MRC1: variants seen among roughly 807,000 people sequenced by gnomAD.
MRC1 encodes macrophage mannose receptor 1.
In MRC1, 62 loss-of-function variants were observed where a neutral mutation model predicts 102.9. The observed-to-expected ratio is 0.60, with a 90% CI of 0.49 to 0.74. MRC1 has a LOEUF of 0.74. MRC1 is among the 30% of genes least tolerant of loss of function. MRC1 has a pLI of 0.00. For synonymous variants in MRC1, 457 were observed against 298.4 expected (o/e 1.53, Z -5.48); for missense variants, 1,237 against 862.8 (o/e 1.43, Z -5.43).
chr10:17,829,050 A>G (rs1306826699), intron 3 of MRC1, among the ~76,000 whole-genome samples: 2 of 151,458 alleles, frequency 1.3e-5, no homozygotes, highest in Non-Finnish European at 2.9e-5. Context: ...AGACCAGATC[A>G]GAGTAGCTCT....
At chr10:17,811,191 C>G (rs1407598243) in intron 1 of MRC1, among the ~76,000 whole-genome samples, 4 of 152,178 alleles carry the variant, frequency 2.6e-5, no homozygotes, top group African/African-American at 7.2e-5. Flanking sequence ...TTTCTTAAAA[C>G]TAACTCTTCA....
At chr10:17,901,885 G>T in intron 25 of MRC1, 88 bp from the exon 26 acceptor site, 1 of 776,112 alleles carries the variant, frequency 1.3e-6, no homozygotes, top group South Asian at 1.4e-5. Flanking sequence ...AATGATCAAT[G>T]ATCAGTTTTT....
intron 22 of MRC1, among the ~76,000 whole-genome samples, chr10:17,889,712 T>G (rs1187631344): frequency 1.3e-5 from 2 of 152,246 alleles, no homozygotes; most frequent in African/African-American, 2.4e-5. Flanking sequence ...TTGCTATAAT[T>G]CATTTCACTT....
Position 17,837,134 on chromosome 10 carries a change from C to T in MRC1, c.802+3295C>T, listed in dbSNP as rs560644753. Among the ~76,000 whole-genome samples, 6 of 152,298 alleles carry T rather than the reference C, an allele frequency of 3.9e-5. No individual in the cohort carries two copies. In the East Asian group the frequency reaches 9.7e-4, roughly 25 times the overall value. ...CTGCAGGAAATGCTTCCCTAATCAG[C>T]AAGGGCTTTTCTTGTGTCTATCAGG... On this transcript the variant is annotated intron_variant, in intron 4 of 29. Coordinates refer to ENST00000569591, the MANE Select transcript of MRC1 (RefSeq NM_002438.4).
At chr10:17,833,544 A>AG in intron 3 of MRC1, 131 bp from the exon 4 acceptor site, 1 of 708,946 alleles carries the variant, frequency 1.4e-6, no homozygotes, top group Admixed American at 2.3e-5. Flanking sequence ...AAAAGTAGAA[A>AG]GGGGGAAAAA....
chr10:17,838,313 C>T (rs1056212143), intron 4 of MRC1, among the ~76,000 whole-genome samples: 308 of 152,268 alleles, frequency 2.0e-3, no homozygotes, highest in Non-Finnish European at 3.5e-3. Context: ...AATGTTTCTG[C>T]CTGGCAACAC....
chr10:17,845,820 C>T (rs561370737), intron 6 of MRC1, among the ~76,000 whole-genome samples: 103 of 152,294 alleles, frequency 6.8e-4, no homozygotes, highest in African/African-American at 2.4e-3. Flanking sequence ...TAGGTCCTCA[C>T]GGCTCTATCT....
At chr10:17,849,872 T>A in intron 7 of MRC1, 108 bp downstream of exon 7, 1 of 624,638 alleles carries the variant, frequency 1.6e-6, no homozygotes. Flanking sequence ...TCAATGTAAA[T>A]CAATAATTCA....
chr10:17,872,005 T>C lies in MRC1; in HGVS notation c.2223T>C (p.Tyr741=). The C allele has an allele frequency of 1.3e-6, 1 of 780,680 alleles. No individual in the cohort carries two copies. Among genetic ancestry groups the C allele is most frequent in the Non-Finnish European group, 2.4e-6 (1 of 417,804 alleles). 48.4% of individuals were successfully genotyped at this position (780,680 alleles called of 1,614,324 possible). A position where few individuals can be genotyped will look rare whatever the true frequency, so the allele number is the denominator to read the frequency against. ...GSPVSYENWA[Y]GEPNNYQNVE... ...AGGTTTCATATGAAAACTGGGCTTATGGAGAACCTAATAATTATCAAAATG... is the reference window on the plus strand; with the variant it reads ...AGGTTTCATATGAAAACTGGGCTTACGGAGAACCTAATAATTATCAAAATG... Residue 741 remains tyrosine, a synonymous_variant, in exon 15 of 30, where the codon TAT becomes TAC. Coordinates refer to ENST00000569591, the MANE Select transcript of MRC1 (RefSeq NM_002438.4).
In MRC1 at chr10:17,814,669, C is replaced by T. The variant is rs994702303; in HGVS notation, c.61+5143C>T. 4.7e-4 allele frequency among the ~76,000 whole-genome samples: 70 copies of T among 148,776 alleles called. 2 individuals carry two copies. The highest frequency in any genetic ancestry group is 2.6e-3 in the South Asian group (12 of 4,666). On this transcript the variant is annotated intron_variant, in intron 1 of 29. Coordinates refer to ENST00000569591, the MANE Select transcript of MRC1 (RefSeq NM_002438.4). Reference sequence around the variant, plus strand: ...CTGCAGTTCCGTGTTCTCGGTCCTTCCGTCCCTCTTTTTTTTTTTTTTTTT... The same window carrying T: ...CTGCAGTTCCGTGTTCTCGGTCCTTTCGTCCCTCTTTTTTTTTTTTTTTTT...
rs1184943960 is a variant in MRC1 at position 17,881,670 on chromosome 10, ATTTT to A, written c.2980+509_2980+512del. On this transcript the variant is annotated intron_variant, in intron 21 of 29. Coordinates refer to ENST00000569591, the MANE Select transcript of MRC1 (RefSeq NM_002438.4). ...AAATATGAACTTTGAACAAATTTTG[ATTTT>A]TTTTTTTTTTTTTTTTTTTGGTAAC... Among the ~76,000 whole-genome samples, 482 of 102,776 alleles carry A rather than the reference ATTTT, an allele frequency of 4.7e-3. 5 individuals are homozygous for A. Among genetic ancestry groups the A allele is most frequent in the African/African-American group, 0.018 (428 of 24,206 alleles). 67.4% of individuals were successfully genotyped at this position (102,776 alleles called of 152,430 possible).
chr10:17,869,392 G>A (rs1294664946), intron 12 of MRC1, among the ~76,000 whole-genome samples: 5 of 152,116 alleles, frequency 3.3e-5, no homozygotes, highest in South Asian at 2.1e-4. Context: ...GGTTGTCTTC[G>A]GCTGCTTAAT....
At chr10:17,813,335 T>TA (rs1838253865) in intron 1 of MRC1, among the ~76,000 whole-genome samples, 1 of 152,204 alleles carries the variant, frequency 6.6e-6, no homozygotes, top group African/African-American at 2.4e-5. Context: ...GCTAATGGTA[T>TA]AATCCTGATA....
chr10:17,852,980 A>G lies in MRC1; in HGVS notation c.1263A>G (p.Glu421=). 3.8e-6 allele frequency: 3 copies of G among 780,784 alleles called. No homozygotes were observed. The highest frequency in any genetic ancestry group is 7.2e-6 in the Non-Finnish European group (3 of 417,938). 48.4% of individuals were successfully genotyped at this position (780,784 alleles called of 1,614,324 possible). The change falls in exon 8 of 30, where the codon GAA becomes GAG. Residue 421 remains glutamate, a synonymous_variant. Coordinates refer to ENST00000569591, the MANE Select transcript of MRC1 (RefSeq NM_002438.4). ...CTTCCTGTTTAGAGCCAAATGACGAATTGTGGATCGGCTTAAATGACATTA... is the reference window on the plus strand; with the variant it reads ...CTTCCTGTTTAGAGCCAAATGACGAGTTGTGGATCGGCTTAAATGACATTA... ...ISQLGYEPND[E]LWIGLNDIKI... is the part of the protein sequence containing the mutation.
intron 3 of MRC1, among the ~76,000 whole-genome samples, chr10:17,828,363 G>C (rs1173180944): frequency 6.6e-5 from 10 of 151,436 alleles, no homozygotes; most frequent in Non-Finnish European, 1.3e-4. Flanking sequence ...GCATGAGCCG[G>C]CGCGCCCGAC....
In MRC1 at chr10:17,822,386, G is replaced by A. The variant is rs906089474; in HGVS notation, c.62-688G>A. On this transcript the variant is annotated intron_variant, in intron 1 of 29. Transcript: ENST00000569591. Reference sequence around the variant, plus strand: ...CACTTGTAATCCTAGTACTTTGAGAGGCTGAAGTGGGAAGATTGCTTGAAG... The same window carrying A: ...CACTTGTAATCCTAGTACTTTGAGAAGCTGAAGTGGGAAGATTGCTTGAAG... 2.8e-4 allele frequency among the ~76,000 whole-genome samples: 43 copies of A among 152,278 alleles called. No individual in the cohort carries two copies. In the South Asian group the frequency reaches 8.9e-3, roughly 32 times the overall value.
intron 8 of MRC1, among the ~76,000 whole-genome samples, chr10:17,855,571 C>CA (rs35692453): frequency 0.47 from 19,845 of 41,898 alleles, 6,696 homozygotes; most frequent in East Asian, 0.72. Context: ...GACTCCGTCT[C>CA]AAAAAAAAAA....
rs1294370182 is a variant in MRC1 at position 17,834,225 on chromosome 10, G to A, written c.802+386G>A. 7.9e-5 allele frequency among the ~76,000 whole-genome samples: 12 copies of A among 152,152 alleles called. No individual in the cohort carries two copies. The South Asian group carries it at 1.0e-3, about 13-fold the overall frequency. ...CAGGTCTTTCATTAGCCTCATAGAG[G>A]TCAAAATGATAAATTAAAAGACTGC... On this transcript the variant is annotated intron_variant, in intron 4 of 29. Transcript: ENST00000569591.
Position 17,872,902 on chromosome 10 carries a change from G to A in MRC1, c.2344+776G>A, listed in dbSNP as rs1833374615. 2.6e-5 allele frequency among the ~76,000 whole-genome samples: 4 copies of A among 152,320 alleles called. No individual in the cohort carries two copies. In the South Asian group the frequency reaches 8.3e-4, roughly 32 times the overall value. ...AACTGCATTGCCCTCTGCTGTTGGG[G>A]AATCTTGGCAACCATTTCAACTCTA... On this transcript the variant is annotated intron_variant, in intron 15 of 29. Transcript: ENST00000569591.
Sources: allele counts gnomAD v4.1 joint callset (sites outside exome capture counted in the v4.1 genomes callset), GRCh38; gene constraint gnomAD v4.1.1; transcripts MANE v1.5; gene names NCBI Gene and HGNC (gene_info 2026-07-23, HGNC 2026-07-21).